The following RSRC1 variants were observed in gnomAD, a reference collection of about 807,000 sequenced individuals.
RSRC1 encodes the protein serine/Arginine-related protein 53.
RSRC1 carries 39 observed loss-of-function variants against 49.1 expected under a neutral mutation model. That is an observed-to-expected ratio of 0.79 (90% CI 0.61 to 1.04). The LOEUF is 1.04. Among genes scored for constraint, RSRC1 ranks in the 50% least tolerant of loss-of-function variants. The probability of loss-of-function intolerance (pLI) is 0.00; values close to 1 mark genes in which losing one functional copy is unlikely to be tolerated. For missense variants in RSRC1, 388 were observed against 402.4 expected (o/e 0.96, Z 0.31); for synonymous variants, 143 against 130.8 (o/e 1.09, Z -0.63).
At chr3:158,194,402 G>T (rs374691360) in intron 3 of RSRC1, among the ~76,000 whole-genome samples, 2 of 151,334 alleles carry the variant, frequency 1.3e-5, no homozygotes, top group East Asian at 3.9e-4. Flanking sequence ...ATAATTATTT[G>T]CTTTTATTAT....
chr3:158,501,880 G>T, intron 7 of RSRC1, among the ~76,000 whole-genome samples: 1 of 152,124 alleles, frequency 6.6e-6, no homozygotes, highest in Admixed American at 6.5e-5. Context: ...AGGTACAGTT[G>T]CATTCATTGT....
intron 6 of RSRC1, among the ~76,000 whole-genome samples, chr3:158,412,458 G>A (rs1363344226): frequency 6.6e-6 from 1 of 152,036 alleles, no homozygotes; most frequent in East Asian, 1.9e-4. Flanking sequence ...TCTTTTGGGA[G>A]TCATTATCTT....
At chr3:158,259,673 C>T (rs1455014791) in intron 4 of RSRC1, among the ~76,000 whole-genome samples, 1 of 152,102 alleles carries the variant, frequency 6.6e-6, no homozygotes, top group African/African-American at 2.4e-5. Flanking sequence ...GCAGCGAGTT[C>T]CCCCCAGCCC....
At chr3:158,113,278 CA>C (rs1248361411) in intron 1 of RSRC1, among the ~76,000 whole-genome samples, 2 of 152,090 alleles carry the variant, frequency 1.3e-5, no homozygotes. Context: ...TCATCTTCCA[CA>C]ATGGTTGAAC....
chr3:158,270,031 C>T (rs1351388109), intron 4 of RSRC1, among the ~76,000 whole-genome samples: 2 of 151,950 alleles, frequency 1.3e-5, no homozygotes, highest in African/African-American at 2.4e-5. Flanking sequence ...ATTTTGTTTC[C>T]TGGTATCAGT....
chr3:158,292,588 G>C (rs970752880), intron 4 of RSRC1, among the ~76,000 whole-genome samples: 1 of 152,160 alleles, frequency 6.6e-6, no homozygotes, highest in Non-Finnish European at 1.5e-5. Flanking sequence ...CACAAATATT[G>C]ATGAAGTCAT....
At chr3:158,438,329 A>G (rs113094630) in intron 6 of RSRC1, among the ~76,000 whole-genome samples, 38 of 152,344 alleles carry the variant, frequency 2.5e-4, no homozygotes, top group African/African-American at 8.7e-4. Flanking sequence ...TTTAGAGTTC[A>G]TATGGAACCA....
At position 158,350,363 on chromosome 3, in the gene RSRC1, G is replaced by A. The variant is rs1054971960; in HGVS notation, c.532-4494G>A. Among the ~76,000 whole-genome samples the A allele has an allele frequency of 2.6e-5, 4 of 151,240 alleles. No homozygotes were observed. The East Asian group carries it at 7.9e-4, about 30-fold the overall frequency. The stretch of plus-strand genomic sequence containing the variant: ...TAATTTTTGTGTTTTTGGTAGAGAT[G>A]GAGTTTTGCCATGTTGCCCAGGCTG... On this transcript the variant is annotated intron_variant, in intron 5 of 9. Transcript: ENST00000611884.
At chr3:158,144,951 T>A (rs1420685566) in intron 3 of RSRC1, among the ~76,000 whole-genome samples, 2 of 152,246 alleles carry the variant, frequency 1.3e-5, no homozygotes, top group Non-Finnish European at 2.9e-5. Flanking sequence ...AAGTGTCTGT[T>A]CATATCCTTT....
At chr3:158,270,358 AC>A (rs1479752769) in intron 4 of RSRC1, among the ~76,000 whole-genome samples, 2 of 152,254 alleles carry the variant, frequency 1.3e-5, no homozygotes, top group Non-Finnish European at 2.9e-5. Context: ...AGGATAGGGT[AC>A]CCCAATGATA....
chr3:158,430,161 G>A (rs114703126), intron 6 of RSRC1, among the ~76,000 whole-genome samples: 2,630 of 151,972 alleles, frequency 0.017, 63 homozygotes, highest in African/African-American at 0.06. Context: ...TGGTGATGGT[G>A]GTGGCAGTAG....
intron 7 of RSRC1, among the ~76,000 whole-genome samples, chr3:158,528,906 A>T (rs1712209241): frequency 6.6e-6 from 1 of 151,936 alleles, no homozygotes; most frequent in Non-Finnish European, 1.5e-5. Flanking sequence ...TGTTGGTTTA[A>T]CCAAATTCAT....
chr3:158,364,873 ATAAAT>A (rs1007870015), intron 6 of RSRC1, among the ~76,000 whole-genome samples: 16 of 149,406 alleles, frequency 1.1e-4, no homozygotes, highest in African/African-American at 2.7e-4. Context: ...AGATTTATAA[ATAAAT>A]TAATTTAATA....
chr3:158,466,051 T>A lies in RSRC1; in HGVS notation c.652+5048T>A, dbSNP rs548619065. Among the ~76,000 whole-genome samples the A allele has an allele frequency of 9.2e-5, 14 of 152,340 alleles. No individual in the cohort carries two copies. The South Asian group carries it at 2.9e-3, about 32-fold the overall frequency. On this transcript the variant is annotated intron_variant, in intron 7 of 9. Coordinates refer to ENST00000611884, the MANE Select transcript of RSRC1 (RefSeq NM_001271838.2). ...TGATTATATGTCTGCAAGAACTTGA[T>A]TGATAAATATTTTTAACCTTTCCCT...
chr3:158,309,812 A>G (rs2108141002), intron 5 of RSRC1, among the ~76,000 whole-genome samples: 1 of 151,796 alleles, frequency 6.6e-6, no homozygotes, highest in South Asian at 2.1e-4. Context: ...ATGACCTCCT[A>G]GGTTTTATTT....
intron 7 of RSRC1, among the ~76,000 whole-genome samples, chr3:158,512,070 G>T (rs1045626972): frequency 5.5e-5 from 8 of 144,666 alleles, no homozygotes; most frequent in African/African-American, 1.8e-4. Flanking sequence ...TTTGTAGGTT[G>T]CCTGTTCACT....
intron 3 of RSRC1, among the ~76,000 whole-genome samples, chr3:158,181,793 A>G (rs918863478): frequency 6.6e-6 from 1 of 152,194 alleles, no homozygotes; most frequent in Non-Finnish European, 1.5e-5. Flanking sequence ...ATATTAAATA[A>G]TTATGTAGAT....
intron 6 of RSRC1, among the ~76,000 whole-genome samples, chr3:158,409,857 T>C (rs1327046121): frequency 1.3e-5 from 2 of 152,142 alleles, no homozygotes; most frequent in African/African-American, 2.4e-5. Context: ...AATCGGATCC[T>C]ATTAATCTCC....
chr3:158,528,373 A>G (rs1039794439), intron 7 of RSRC1, among the ~76,000 whole-genome samples: 17 of 151,912 alleles, frequency 1.1e-4, no homozygotes, highest in East Asian at 5.8e-4. Flanking sequence ...CTTAATTTCT[A>G]TCAATTAGCG....
Sources: gnomAD v4.1 joint callset for allele counts (sites outside exome capture counted in the v4.1 genomes callset) on GRCh38, gnomAD v4.1.1 for gene constraint, MANE v1.5 for transcripts, NCBI Gene and HGNC (gene_info 2026-07-23, HGNC 2026-07-21) for gene names.